The following TMEM67 variants were observed in gnomAD, a reference collection of about 807,000 sequenced individuals.
TMEM67 encodes transmembrane protein 67, also known as meckelin.
Under a neutral mutation model 136.6 loss-of-function variants are expected in TMEM67, and 124 were observed. The ratio of observed to expected loss-of-function variants is 0.91; its 90% CI spans 0.78 to 1.05. TMEM67 has a LOEUF of 1.05. TMEM67 is among the 50% of genes least tolerant of loss of function. The pLI is 0.00. For synonymous variants in TMEM67, 364 were observed against 390.5 expected, an observed-to-expected ratio of 0.93 and a Z score of 0.80; for missense variants, 1,107 against 1,178.4, an observed-to-expected ratio of 0.94 and a Z score of 0.89.
At chr8:93,821,654 C>G (rs1196036169), downstream of TMEM67, among the ~76,000 whole-genome samples, 1 of 152,088 alleles carries the variant, frequency 6.6e-6, no homozygotes, top group East Asian at 1.9e-4. Flanking sequence ...ATCCCAGCAC[C>G]TTGGGAGGCC....
At chr8:93,823,650 C>T (rs554538955), downstream of TMEM67, among the ~76,000 whole-genome samples, 2 of 152,094 alleles carry the variant, frequency 1.3e-5, no homozygotes, top group East Asian at 3.9e-4. Context: ...GTGCAAAGGC[C>T]CTGATGTGGG....
chr8:93,787,228 A>G (rs1043576487), intron 13 of TMEM67, among the ~76,000 whole-genome samples: 1 of 152,064 alleles, frequency 6.6e-6, no homozygotes. Flanking sequence ...ACTTTGTGCC[A>G]TAACCATATT....
rs1347967631 is a variant in TMEM67 at position 93,785,103 on chromosome 8, A to G, written c.1132-119A>G. 1.2e-5 allele frequency: 9 copies of G among 738,498 alleles called. No homozygotes were observed. The Admixed American group carries it at 1.6e-4, about 13-fold the overall frequency. 45.7% of individuals were successfully genotyped at this position (738,498 alleles called of 1,614,324 possible). On this transcript the variant is annotated intron_variant, in intron 11 of 27. Transcript: ENST00000453321. ...AGACATTTTGCAAAACTAGAAAAACACTCTGAAGATAATAAATATGCTTGC... is the reference window on the plus strand; with the variant it reads ...AGACATTTTGCAAAACTAGAAAAACGCTCTGAAGATAATAAATATGCTTGC...
At chr8:93,755,687 T>A in intron 1 of TMEM67, 91 bp from the exon 2 acceptor site, 1 of 869,680 alleles carries the variant, frequency 1.1e-6, no homozygotes, top group Non-Finnish European at 1.8e-6. Flanking sequence ...TCTCAAGATC[T>A]TCAGACTTAT....
intron 20 of TMEM67, among the ~76,000 whole-genome samples, chr8:93,798,006 G>T (rs182086397): frequency 6.6e-6 from 1 of 151,968 alleles, no homozygotes; most frequent in African/African-American, 2.4e-5. Flanking sequence ...CAAACAAAAA[G>T]TAGTGTTACG....
At chr8:93,765,099 G>T (rs1296237661) in intron 4 of TMEM67, among the ~76,000 whole-genome samples, 1 of 152,114 alleles carries the variant, frequency 6.6e-6, no homozygotes, top group African/African-American at 2.4e-5. Context: ...TCATTTATAT[G>T]AGTTTGTTGC....
At chr8:93,791,411 A>G (rs1370618961) in intron 15 of TMEM67, 92 bp downstream of exon 15, 1 of 871,266 alleles carries the variant, frequency 1.1e-6, no homozygotes, top group East Asian at 2.7e-5. Context: ...CAAATTTGCC[A>G]GCTATTCTTT....
intron 6 of TMEM67, among the ~76,000 whole-genome samples, chr8:93,769,340 A>G (rs1318777110): frequency 6.6e-6 from 1 of 152,238 alleles, no homozygotes; most frequent in East Asian, 1.9e-4. Flanking sequence ...GCCGGATTCC[A>G]TATCCCTGCA....
chr8:93,832,321 G>A, the TMEM67 span, among the ~76,000 whole-genome samples: 2 of 152,164 alleles, frequency 1.3e-5, no homozygotes, highest in African/African-American at 4.8e-5. Flanking sequence ...GGTACCCATG[G>A]AGGCTACAGG....
intron 6 of TMEM67, among the ~76,000 whole-genome samples, chr8:93,771,785 T>C (rs768085108): frequency 6.6e-6 from 1 of 152,240 alleles, no homozygotes; most frequent in Non-Finnish European, 1.5e-5. Context: ...TTTGTGTGCA[T>C]GTGTTCCTCA....
intron 10 of TMEM67, 84 bp downstream of exon 10, chr8:93,781,828 A>C: frequency 1.3e-6 from 1 of 749,912 alleles, no homozygotes; most frequent in South Asian, 1.9e-5. Flanking sequence ...TATTGTATGA[A>C]TAAAGCATCA....
At chr8:93,788,778 C>A (rs1413487693) in intron 14 of TMEM67, among the ~76,000 whole-genome samples, 1 of 152,212 alleles carries the variant, frequency 6.6e-6, no homozygotes, top group Non-Finnish European at 1.5e-5. Flanking sequence ...AGGTTTCCCA[C>A]TACTTCACCA....
At chr8:93,825,877 C>A in the TMEM67 span, among the ~76,000 whole-genome samples, 1 of 152,166 alleles carries the variant, frequency 6.6e-6, no homozygotes, top group Non-Finnish European at 1.5e-5. Flanking sequence ...CCCAATTGAC[C>A]ATTTGGGTGT....
Position 93,791,575 on chromosome 8 carries a change from A to AT in TMEM67, c.1575+258dup, listed in dbSNP as rs369932484. Among the ~76,000 whole-genome samples the AT allele has an allele frequency of 5.5e-3, 834 of 152,240 alleles. 7 individuals are homozygous for AT. Among genetic ancestry groups the AT allele is most frequent in the African/African-American group, 0.019 (801 of 41,540 alleles). The stretch of plus-strand genomic sequence containing the variant: ...TTCAGGACCCAATCTAGGGTCACAT[A>AT]TTGCTTTTAGCTGTCATATCTCGTT... On this transcript the variant is annotated intron_variant, in intron 15 of 27. Transcript: ENST00000453321.
intron 21 of TMEM67, among the ~76,000 whole-genome samples, chr8:93,800,546 A>G (rs1437413363): frequency 1.3e-5 from 2 of 152,170 alleles, no homozygotes; most frequent in African/African-American, 4.8e-5. Context: ...ATACCTAATA[A>G]TGTCTTAATC....
intron 21 of TMEM67, 146 bp downstream of exon 21, chr8:93,799,904 CTT>C (rs35554591): frequency 0.14 from 47,259 of 340,204 alleles, 7 homozygotes; most frequent in East Asian, 0.2. Flanking sequence ...ATGGTCAGTT[CTT>C]TTTTTTTTTT....
rs1230320577 is a variant in TMEM67 at position 93,755,821 on chromosome 8, T to C, written c.267T>C (p.Asn89=). 3 of 1,523,170 alleles carry C rather than the reference T, an allele frequency of 2.0e-6. No homozygotes were observed. Among genetic ancestry groups the C allele is most frequent in the African/African-American group, 2.8e-5 (2 of 71,284 alleles). 94.4% of individuals were successfully genotyped at this position (1,523,170 alleles called of 1,614,324 possible). A position where few individuals can be genotyped will look rare whatever the true frequency, so the allele number is the denominator to read the frequency against. ...VCLPGFQMIS[N]NGGPAIICKK... ...TACCAGGATTTCAGATGATCTCTAA[T>C]AATGGAGGACCTGCTATTATTTGTA... The change falls in exon 2 of 28, where the codon AAT becomes AAC. Residue 89 remains asparagine, a synonymous_variant. Coordinates refer to ENST00000453321, the MANE Select transcript of TMEM67 (RefSeq NM_153704.6).
intron 23 of TMEM67, 126 bp downstream of exon 23, chr8:93,805,004 C>T (rs1052220748): frequency 6.5e-6 from 4 of 619,040 alleles, no homozygotes; most frequent in Admixed American, 4.8e-5. Flanking sequence ...ATGGAGTCTC[C>T]CTCTGTCACC....
chr8:93,797,208 AG>A lies in TMEM67; in HGVS notation c.1937del (p.Gly646GlufsTer20). 1 of 1,613,414 alleles carries A rather than the reference AG, an allele frequency of 6.2e-7. No homozygotes were observed. The highest frequency in any genetic ancestry group is 8.5e-7 in the Non-Finnish European group (1 of 1,179,346). On this transcript the variant is annotated frameshift_variant, in exon 19 of 28. Coordinates refer to ENST00000453321, the MANE Select transcript of TMEM67 (RefSeq NM_153704.6). LOFTEE classifies it high-confidence loss of function. Reference sequence around the variant, plus strand: ...TCTTTATTGATTGGGAGCGACCTAAAGGAAAGGTTCTTAAAGCTGTTGAAGG... The same window carrying A: ...TCTTTATTGATTGGGAGCGACCTAAAGAAAGGTTCTTAAAGCTGTTGAAGG... ...VFFIDWERPK[G>X]KVLKAVEGEG... is the part of the protein sequence containing the mutation.
Sources: gnomAD v4.1 joint callset for allele counts (sites outside exome capture counted in the v4.1 genomes callset) on GRCh38, gnomAD v4.1.1 for gene constraint, MANE v1.5 for transcripts, NCBI Gene and HGNC (gene_info 2026-07-23, HGNC 2026-07-21) for gene names.